Variants in RNF220 observed in about 807,000 individuals in gnomAD.
RNF220 encodes ring finger protein 220.
In RNF220, 7 loss-of-function variants were observed where a neutral mutation model predicts 67.1. The ratio of observed to expected loss-of-function variants is 0.10; its 90% CI spans 0.06 to 0.20. The LOEUF (loss-of-function observed/expected upper bound fraction) is 0.20, where lower values mean the gene tolerates loss of function less well. Among genes scored for constraint, RNF220 ranks in the 10% least tolerant of loss-of-function variants. The pLI, the probability that RNF220 is intolerant of heterozygous loss-of-function variation, is 1.00. For synonymous variants in RNF220, 270 were observed against 283.2 expected, an observed-to-expected ratio of 0.95 and a Z score of 0.47; for missense variants, 565 against 740.3, an observed-to-expected ratio of 0.76 and a Z score of 2.75.
chr1:44,585,045 C>A (rs370811575), intron 2 of RNF220, among the ~76,000 whole-genome samples: 1 of 152,184 alleles, frequency 6.6e-6, no homozygotes, highest in African/African-American at 2.4e-5. Flanking sequence ...CACCATGCAT[C>A]CTAGGGAAAG....
intron 2 of RNF220, among the ~76,000 whole-genome samples, chr1:44,557,328 C>T (rs925617347): frequency 6.7e-6 from 1 of 149,622 alleles, no homozygotes; most frequent in Non-Finnish European, 1.5e-5. Context: ...CTTTCTAGAC[C>T]AGTTCTGGGC....
At chr1:44,422,278 A>G (rs1379144136) in intron 2 of RNF220, among the ~76,000 whole-genome samples, 5 of 152,140 alleles carry the variant, frequency 3.3e-5, no homozygotes, top group Admixed American at 3.3e-4. Context: ...TCGGCTGAGG[A>G]ATCAGCAGGA....
chr1:44,406,812 C>G (rs1340643), intron 1 of RNF220, among the ~76,000 whole-genome samples: 2,295 of 152,378 alleles, frequency 0.015, 49 homozygotes, highest in African/African-American at 0.052. Context: ...CGTGTGGCCC[C>G]CCGGGCGAGG....
At chr1:44,405,807 G>A (rs560192491) in intron 1 of RNF220, among the ~76,000 whole-genome samples, 2 of 151,608 alleles carry the variant, frequency 1.3e-5, no homozygotes, top group Non-Finnish European at 2.9e-5. Context: ...ATTTGGGGAG[G>A]GGGGGAGGTG....
At chr1:44,498,220 C>T (rs1341928087) in intron 2 of RNF220, among the ~76,000 whole-genome samples, 1 of 152,188 alleles carries the variant, frequency 6.6e-6, no homozygotes, top group Non-Finnish European at 1.5e-5. Flanking sequence ...AAAGAAAGAA[C>T]CATTGGCAGA....
At chr1:44,527,038 A>G (rs1023846800) in intron 2 of RNF220, among the ~76,000 whole-genome samples, 1 of 151,450 alleles carries the variant, frequency 6.6e-6, no homozygotes, top group African/African-American at 2.4e-5. Flanking sequence ...TTCTCTCCTT[A>G]CTTACGCATC....
intron 2 of RNF220, among the ~76,000 whole-genome samples, chr1:44,485,505 A>G (rs1175057275): frequency 6.6e-6 from 1 of 151,628 alleles, no homozygotes; most frequent in Non-Finnish European, 1.5e-5. Context: ...CACTGTAGTA[A>G]AATCTTCGAG....
At chr1:44,604,380 T>C (rs1667130320) in intron 2 of RNF220, among the ~76,000 whole-genome samples, 1 of 152,164 alleles carries the variant, frequency 6.6e-6, no homozygotes, top group Non-Finnish European at 1.5e-5. Context: ...CAGGGAGATG[T>C]CTGGAAGTTA....
At chr1:44,427,822 A>G (rs774078664) in intron 2 of RNF220, among the ~76,000 whole-genome samples, 5 of 152,218 alleles carry the variant, frequency 3.3e-5, no homozygotes, top group Non-Finnish European at 7.3e-5. Flanking sequence ...AGTGCCTCGC[A>G]CAAAGTATGC....
chr1:44,513,448 G>A lies in RNF220; in HGVS notation c.626-100717G>A, dbSNP rs533661300. 7.2e-5 allele frequency among the ~76,000 whole-genome samples: 11 copies of A among 152,056 alleles called. No homozygotes were observed. In the South Asian group the frequency reaches 2.3e-3, roughly 32 times the overall value. ...TCTCTCTTTCACTCTCTTCTTTTCA[G>A]AGTTGACAGGGGCCAAATAAAGGCC... On this transcript the variant is annotated intron_variant, in intron 2 of 14. Transcript: ENST00000361799.
At chr1:44,452,558 A>G (rs1412747290) in intron 2 of RNF220, among the ~76,000 whole-genome samples, 1 of 152,210 alleles carries the variant, frequency 6.6e-6, no homozygotes, top group Non-Finnish European at 1.5e-5. Flanking sequence ...CATCTCAAAA[A>G]TAATAATAAA....
intron 2 of RNF220, among the ~76,000 whole-genome samples, chr1:44,546,256 C>T (rs1386393394): frequency 6.6e-6 from 1 of 152,172 alleles, no homozygotes; most frequent in African/African-American, 2.4e-5. Context: ...ACCAGAAGGC[C>T]AGATCCCTGT....
chr1:44,480,550 T>A (rs1386909565), intron 2 of RNF220, among the ~76,000 whole-genome samples: 1 of 151,404 alleles, frequency 6.6e-6, no homozygotes, highest in Non-Finnish European at 1.5e-5. Context: ...AAGAAAGGAG[T>A]CTGAGAAGGA....
At chr1:44,549,945 C>T (rs1364231625) in intron 2 of RNF220, among the ~76,000 whole-genome samples, 3 of 152,190 alleles carry the variant, frequency 2.0e-5, no homozygotes, top group Admixed American at 6.5e-5. Flanking sequence ...CTCCATCTGT[C>T]CTGTCTCCAA....
chr1:44,446,986 A>T (rs760853096), intron 2 of RNF220, among the ~76,000 whole-genome samples: 1 of 152,170 alleles, frequency 6.6e-6, no homozygotes, highest in Non-Finnish European at 1.5e-5. Context: ...ACTTCTTTCT[A>T]TCTCTCCCTT....
intron 2 of RNF220, among the ~76,000 whole-genome samples, chr1:44,597,212 T>C (rs1020408928): frequency 6.6e-6 from 1 of 152,126 alleles, no homozygotes; most frequent in Non-Finnish European, 1.5e-5. Context: ...ATCTTCTTTT[T>C]ATAGGTAAGA....
chr1:44,588,472 G>A lies in RNF220; in HGVS notation c.626-25693G>A, dbSNP rs1304186025. Among the ~76,000 whole-genome samples the A allele has an allele frequency of 2.0e-5, 3 of 152,218 alleles. No individual in the cohort carries two copies. The South Asian group carries it at 6.2e-4, about 31-fold the overall frequency. ...GGAGTAGCCGCCCTCTAAGCCAGAT[G>A]ATTTTATTTCTTCTTTGCCTTTCCA... is the stretch of plus-strand genomic sequence containing the variant. On this transcript the variant is annotated intron_variant, in intron 2 of 14. Transcript: ENST00000361799.
chr1:44,413,063 T>A (rs1454981069), intron 2 of RNF220, among the ~76,000 whole-genome samples: 1 of 152,174 alleles, frequency 6.6e-6, no homozygotes, highest in Non-Finnish European at 1.5e-5. Context: ...CCTAGGGAAT[T>A]TGGGGGGCCT....
At chr1:44,408,168 T>G (rs1253488040) in intron 1 of RNF220, among the ~76,000 whole-genome samples, 2 of 152,200 alleles carry the variant, frequency 1.3e-5, no homozygotes, top group African/African-American at 4.8e-5. Flanking sequence ...CCGTTTTCCC[T>G]AAAAGAGTTG....
Sources: allele counts gnomAD v4.1 joint callset (sites outside exome capture counted in the v4.1 genomes callset), GRCh38; gene constraint gnomAD v4.1.1; transcripts MANE v1.5; gene names NCBI Gene and HGNC (gene_info 2026-07-23, HGNC 2026-07-21).